The following ZNF577 variants were observed in gnomAD, a reference collection of about 807,000 sequenced individuals.
ZNF577 encodes the protein zinc finger protein 577.
A neutral mutation model predicts 13.9 loss-of-function variants in ZNF577; 14 were observed. The observed-to-expected ratio is 1.00, with a 90% CI of 0.66 to 1.57. The LOEUF is 1.57. Among genes scored for constraint, ZNF577 ranks in the 40% most tolerant of loss-of-function variants. The pLI is 0.00. For missense variants in ZNF577, 555 were observed against 579.2 expected (o/e 0.96, Z 0.43); for synonymous variants, 203 against 202.9 (o/e 1.00, Z 0.00).
At chr19:51,847,921 T>G (rs2084361399) in intron 5 of ZNF577, among the ~76,000 whole-genome samples, 1 of 152,160 alleles carries the variant, frequency 6.6e-6, no homozygotes, top group South Asian at 2.1e-4. Context: ...CAGTAGCACT[T>G]TGGAAGGCCA....
At chr19:51,828,541 T>G (rs1347412752) in intron 9 of ZNF577, among the ~76,000 whole-genome samples, 4 of 152,182 alleles carry the variant, frequency 2.6e-5, no homozygotes, top group Non-Finnish European at 5.9e-5. Flanking sequence ...AGTAGAACAG[T>G]GCCTGCTACA....
At chr19:51,854,252 C>A (rs535478681) in intron 5 of ZNF577, among the ~76,000 whole-genome samples, 1 of 152,248 alleles carries the variant, frequency 6.6e-6, no homozygotes, top group East Asian at 1.9e-4. Flanking sequence ...CCATTCTGCA[C>A]CCATCTGGGA....
Position 51,871,731 on chromosome 19 carries a change from G to C in ZNF577, c.*801C>G, listed in dbSNP as rs760710614. 1 of 152,152 alleles carries C rather than the reference G, an allele frequency of 6.6e-6. No homozygotes were observed. Among genetic ancestry groups the C allele is most frequent in the Non-Finnish European group, 1.5e-5 (1 of 68,030 alleles). The allele number at this position is 152,152 out of a possible 1,614,324, so 9.4% of individuals were successfully genotyped here. On this transcript the variant is annotated 3_prime_UTR_variant, in exon 6 of 6. Transcript: ENST00000638348. ...AGGGAGACAGAACACTCAAGTGTTT[G>C]AGTGATGTAAGACTGATTGGCCATT...
At chr19:51,829,945 C>A (rs1412605630) in intron 9 of ZNF577, among the ~76,000 whole-genome samples, 1 of 152,168 alleles carries the variant, frequency 6.6e-6, no homozygotes, top group Non-Finnish European at 1.5e-5. Flanking sequence ...ATGGAGCTCA[C>A]CCCCAGATGT....
intron 5 of ZNF577, chr19:51,860,496 G>C (rs1040089483): frequency 6.5e-6 from 1 of 152,712 alleles, no homozygotes; most frequent in African/African-American, 2.4e-5. Context: ...TGAGTTAGGG[G>C]GCAATTCAGC....
At chr19:51,834,407 AAT>A (rs1465872266) in intron 9 of ZNF577, among the ~76,000 whole-genome samples, 2 of 152,238 alleles carry the variant, frequency 1.3e-5, no homozygotes, top group African/African-American at 4.8e-5. Context: ...CATAATACCC[AAT>A]ATAATTCTTT....
chr19:51,828,268 T>C (rs2084241893), intron 9 of ZNF577, among the ~76,000 whole-genome samples: 1 of 150,994 alleles, frequency 6.6e-6, no homozygotes. Flanking sequence ...CTTGGAAGAC[T>C]GAGGAAGGAG....
At chr19:51,829,250 G>C (rs1192308645) in intron 9 of ZNF577, among the ~76,000 whole-genome samples, 1 of 152,142 alleles carries the variant, frequency 6.6e-6, no homozygotes, top group Non-Finnish European at 1.5e-5. Flanking sequence ...GAGCTGTAAA[G>C]AGTCAGTAGC....
chr19:51,846,145 T>C (rs1311565585), intron 5 of ZNF577, among the ~76,000 whole-genome samples: 1 of 152,118 alleles, frequency 6.6e-6, no homozygotes, highest in Non-Finnish European at 1.5e-5. Flanking sequence ...TCCTGAGTAG[T>C]TGGGACTACA....
intron 1 of ZNF577, among the ~76,000 whole-genome samples, chr19:51,883,356 C>A (rs2084893363): frequency 6.6e-6 from 1 of 151,790 alleles, no homozygotes. Flanking sequence ...AACTCTTGGC[C>A]TCAAGCAATC....
intron 9 of ZNF577, chr19:51,817,898 C>A (rs1243202517): frequency 6.6e-6 from 1 of 152,150 alleles, no homozygotes; most frequent in East Asian, 1.9e-4. Context: ...ACAGACATTT[C>A]CTAAACTCTG....
chr19:51,819,112 C>T (rs1414970210), intron 9 of ZNF577, among the ~76,000 whole-genome samples: 63 of 152,240 alleles, frequency 4.1e-4, no homozygotes, highest in African/African-American at 1.4e-3. Flanking sequence ...GTGAGTTCTA[C>T]ATTTAGAGCT....
At chr19:51,874,692 G>A (rs139905705) in intron 5 of ZNF577, among the ~76,000 whole-genome samples, 1 of 152,296 alleles carries the variant, frequency 6.6e-6, no homozygotes, top group Admixed American at 6.5e-5. Flanking sequence ...GTTCTGAATT[G>A]ACAGTTCCAA....
At chr19:51,860,433 C>A (rs1334453186) in intron 5 of ZNF577, 1 of 152,342 alleles carries the variant, frequency 6.6e-6, no homozygotes, top group Non-Finnish European at 1.5e-5. Context: ...GGATTTTATA[C>A]CTGCATTGAA....
intron 9 of ZNF577, chr19:51,817,877 C>G (rs1403055465): frequency 6.6e-6 from 1 of 152,148 alleles, no homozygotes; most frequent in Non-Finnish European, 1.5e-5. Context: ...TGTTGGAATG[C>G]CTGCTGTATG....
chr19:51,883,624 A>C (rs899075857), intron 1 of ZNF577, among the ~76,000 whole-genome samples: 1 of 152,022 alleles, frequency 6.6e-6, no homozygotes, highest in Admixed American at 6.6e-5. Flanking sequence ...AGAAAAAAAA[A>C]GGGGGAGCTG....
intron 5 of ZNF577, chr19:51,860,959 C>G: frequency 4.7e-6 from 2 of 430,042 alleles, no homozygotes. Flanking sequence ...TCTGTAGGGT[C>G]CTTCTCCTGA....
At chr19:51,832,342 TTTC>T (rs565877876) in intron 9 of ZNF577, among the ~76,000 whole-genome samples, 60 of 152,056 alleles carry the variant, frequency 3.9e-4, no homozygotes, top group Non-Finnish European at 7.9e-4. Context: ...TAACCATAAT[TTTC>T]TTTTTTTATT....
At chr19:51,857,994 T>G (rs76083249) in intron 5 of ZNF577, among the ~76,000 whole-genome samples, 10,068 of 152,170 alleles carry the variant, frequency 0.066, 468 homozygotes, top group Non-Finnish European at 0.099. Flanking sequence ...TTTTAGTCTT[T>G]GAGCTTTACA....
Sources: allele counts gnomAD v4.1 joint callset (sites outside exome capture counted in the v4.1 genomes callset), GRCh38; gene constraint gnomAD v4.1.1; transcripts MANE v1.5; gene names NCBI Gene and HGNC (gene_info 2026-07-23, HGNC 2026-07-21).